PLEKHA7: variants seen among roughly 807,000 people sequenced by gnomAD.
The protein encoded by PLEKHA7 is pleckstrin homology domain-containing family A member 7.
PLEKHA7 carries 104 observed loss-of-function variants against 170.0 expected under a neutral mutation model. The observed-to-expected ratio is 0.61, with a 90% CI of 0.52 to 0.72. PLEKHA7 has a LOEUF of 0.72. Ranked by LOEUF, PLEKHA7 falls within the 30% of genes least tolerant of loss-of-function variation. PLEKHA7 has a pLI of 0.00. For missense variants in PLEKHA7, 1,615 were observed against 1,671.7 expected, an observed-to-expected ratio of 0.97 and a Z score of 0.59; for synonymous variants, 648 against 660.8, an observed-to-expected ratio of 0.98 and a Z score of 0.30.
intron 10 of PLEKHA7, among the ~76,000 whole-genome samples, chr11:16,818,253 C>T (rs1849926073): frequency 6.6e-6 from 1 of 152,206 alleles, no homozygotes; most frequent in African/African-American, 2.4e-5. Flanking sequence ...CGTTTCCTTA[C>T]TTGTAACAGG....
chr11:16,789,254 GGTGATCCCCTGA>G lies in PLEKHA7; in HGVS notation c.3187_3198del (p.Ser1063_His1066del). On this transcript the variant is annotated inframe_deletion, in exon 23 of 27. Coordinates refer to ENST00000531066, the MANE Select transcript of PLEKHA7 (RefSeq NM_001329630.2). This position sits in a 1 kb window ranked among gnomAD's most constrained non-coding sequence, Gnocchi z 4.6. ...TCCTCTGCACTCATCTTGCCTCGCT[GGTGATCCCCTGA>G]GTACAGGCGCTCCAAGGCACTCTTA... 1 of 1,613,722 alleles carries G rather than the reference GGTGATCCCCTGA, an allele frequency of 6.2e-7. No individual in the cohort carries two copies. The highest frequency in any genetic ancestry group is 8.5e-7 in the Non-Finnish European group (1 of 1,180,036).
intron 3 of PLEKHA7, among the ~76,000 whole-genome samples, chr11:16,935,890 T>C (rs1860254577): frequency 6.6e-6 from 1 of 152,164 alleles, no homozygotes; most frequent in African/African-American, 2.4e-5. Context: ...GACAGATGCT[T>C]ATAATGTTCA....
intron 3 of PLEKHA7, among the ~76,000 whole-genome samples, chr11:16,967,973 G>A (rs950220639): frequency 3.3e-5 from 5 of 152,168 alleles, no homozygotes; most frequent in African/African-American, 1.2e-4. Context: ...GGAAAGAGGG[G>A]CTCAGGGCAT....
chr11:16,870,014 C>T (rs1040682411), intron 4 of PLEKHA7, among the ~76,000 whole-genome samples: 3 of 152,150 alleles, frequency 2.0e-5, no homozygotes, highest in African/African-American at 7.2e-5. Context: ...GCCACCTGTG[C>T]ACATTTCTTA....
intron 3 of PLEKHA7, among the ~76,000 whole-genome samples, chr11:16,975,245 T>C (rs1409284343): frequency 6.6e-6 from 1 of 152,250 alleles, no homozygotes; most frequent in Admixed American, 6.5e-5. Context: ...ATCAATGAAA[T>C]AATATACTAT....
chr11:16,985,982 A>AT (rs1863703228), intron 3 of PLEKHA7, among the ~76,000 whole-genome samples: 2 of 152,232 alleles, frequency 1.3e-5, no homozygotes, highest in South Asian at 4.1e-4. Context: ...GTGGCCACAG[A>AT]TGGCTTCCCA....
At chr11:16,879,029 A>G (rs1430560852) in intron 3 of PLEKHA7, among the ~76,000 whole-genome samples, 2 of 152,228 alleles carry the variant, frequency 1.3e-5, no homozygotes, top group Non-Finnish European at 2.9e-5. Context: ...AGAAAATCAA[A>G]GAAAGGAATG....
chr11:16,868,125 G>A (rs1212497177), intron 4 of PLEKHA7, among the ~76,000 whole-genome samples: 3 of 152,098 alleles, frequency 2.0e-5, no homozygotes, highest in Admixed American at 2.0e-4. Context: ...TCCCAGATGA[G>A]GAGGCCTTCT....
chr11:16,789,878 C>T lies in PLEKHA7; in HGVS notation c.3053G>A (p.Gly1018Glu). The T allele has an allele frequency of 1.9e-6, 3 of 1,613,612 alleles. No individual in the cohort carries two copies. The highest frequency in any genetic ancestry group is 1.7e-6 in the Non-Finnish European group (2 of 1,179,572). ...ESRYQTLPGR[G>E]LSGSTSRLQQ... The stretch of plus-strand genomic sequence containing the variant: ...GAGCCTTGACGTGGACCCTGAGAGC[C>T]CTTAGTGAGGAAAGAGAAGTGCAAG... Residue 1018 changes from glycine (G) to glutamate (E), a missense_variant and splice_region_variant, in exon 22 of 27, where the codon GGG becomes GAG. Physicochemically the swap from Gly to Glu is moderately conservative, Grantham distance 98. Transcript: ENST00000531066. This position sits in a 1 kb window ranked among gnomAD's most constrained non-coding sequence, Gnocchi z 4.6.
intron 4 of PLEKHA7, 135 bp downstream of exon 4, chr11:16,870,964 C>A: frequency 1.7e-6 from 1 of 574,980 alleles, no homozygotes; most frequent in Non-Finnish European, 3.1e-6. Context: ...TCTCATATTC[C>A]TGTTTGAATC....
intron 8 of PLEKHA7, among the ~76,000 whole-genome samples, chr11:16,850,956 G>A (rs1397503984): frequency 3.9e-5 from 6 of 152,194 alleles, no homozygotes; most frequent in African/African-American, 1.4e-4. Flanking sequence ...GGCAGTGACA[G>A]GAAGGAGGGG....
chr11:16,983,339 G>A (rs1394870489), intron 3 of PLEKHA7, among the ~76,000 whole-genome samples: 2 of 152,182 alleles, frequency 1.3e-5, no homozygotes, highest in Non-Finnish European at 1.5e-5. Context: ...CACTGCTGCC[G>A]AAGGAGTCTC....
intron 3 of PLEKHA7, among the ~76,000 whole-genome samples, chr11:16,925,310 G>A (rs1859432501): frequency 1.3e-5 from 2 of 152,332 alleles, no homozygotes; most frequent in South Asian, 2.1e-4. Flanking sequence ...TCCTTCCCGA[G>A]GAGTAACCCA....
chr11:16,841,782 A>G (rs1321000415), intron 8 of PLEKHA7, 60 bp from the exon 9 acceptor site: 1 of 1,538,854 alleles, frequency 6.5e-7, no homozygotes, highest in Middle Eastern at 1.8e-4. Flanking sequence ...CCTTTATAGG[A>G]GCAAAAGCAA....
intron 9 of PLEKHA7, among the ~76,000 whole-genome samples, chr11:16,827,596 T>G (rs545762900): frequency 8.5e-5 from 13 of 152,248 alleles, no homozygotes; most frequent in African/African-American, 3.1e-4. Flanking sequence ...GGCTCCTCTT[T>G]CATGGTCCAT....
rs34271973 is a variant in PLEKHA7 at position 16,851,456 on chromosome 11, A to AT, written c.596-166dup. ...CTCTACCCATTCTTTTTATTTATTTATTTTTTTTTTGAGACGGAGTTTCGC... is the reference window on the plus strand; with the variant it reads ...CTCTACCCATTCTTTTTATTTATTTATTTTTTTTTTTGAGACGGAGTTTCGC... On this transcript the variant is annotated intron_variant, in intron 7 of 26. Transcript: ENST00000531066. Among the ~76,000 whole-genome samples, 243 of 150,506 alleles carry AT rather than the reference A, an allele frequency of 1.6e-3. 1 individual carries two copies. The highest frequency in any genetic ancestry group is 2.8e-3 in the Non-Finnish European group (189 of 67,546).
intron 3 of PLEKHA7, among the ~76,000 whole-genome samples, chr11:16,991,354 T>C (rs1299748624): frequency 3.9e-5 from 6 of 152,140 alleles, no homozygotes; most frequent in Non-Finnish European, 5.9e-5. Context: ...CTCGGTTCCT[T>C]GTCTTCATGG....
chr11:16,900,043 G>T (rs1355977589), intron 3 of PLEKHA7, among the ~76,000 whole-genome samples: 3 of 152,206 alleles, frequency 2.0e-5, no homozygotes, highest in Non-Finnish European at 4.4e-5. Context: ...CTTTAGCTGG[G>T]AGGGTGCCTA....
At chr11:16,945,232 G>A (rs181855926) in intron 3 of PLEKHA7, among the ~76,000 whole-genome samples, 5 of 152,228 alleles carry the variant, frequency 3.3e-5, no homozygotes, top group South Asian at 2.1e-4. Flanking sequence ...CACCATGCCC[G>A]GCCCCAAAAG....
Sources: allele counts gnomAD v4.1 joint callset (sites outside exome capture counted in the v4.1 genomes callset), GRCh38; gene constraint gnomAD v4.1.1; non-coding constraint Gnocchi (gnomAD v3.1); transcripts MANE v1.5; gene names NCBI Gene and HGNC (gene_info 2026-07-23, HGNC 2026-07-21).